Variants in TGFBR3 observed in about 807,000 individuals in gnomAD.
The protein encoded by TGFBR3 is transforming growth factor beta receptor type 3.
TGFBR3 carries 46 observed loss-of-function variants against 87.9 expected under a neutral mutation model. That is an observed-to-expected ratio of 0.52 (90% CI 0.41 to 0.67). TGFBR3 has a LOEUF of 0.67. Ranked by LOEUF, TGFBR3 falls within the 30% of genes least tolerant of loss-of-function variation. The pLI is 0.00. For synonymous variants in TGFBR3, 381 were observed against 391.6 expected (o/e 0.97, Z 0.32); for missense variants, 866 against 1,041.9 (o/e 0.83, Z 2.32).
intron 2 of TGFBR3, among the ~76,000 whole-genome samples, chr1:91,847,081 G>A (rs1182668128): frequency 1.3e-5 from 2 of 152,160 alleles, no homozygotes; most frequent in African/African-American, 4.8e-5. Flanking sequence ...TGAGGCCAGA[G>A]AAAGCAAATC....
Position 91,736,307 on chromosome 1 carries a change from A to G in TGFBR3, c.385-1348T>C, listed in dbSNP as rs1041392106. On this transcript the variant is annotated intron_variant, in intron 4 of 16. Coordinates refer to ENST00000212355, the MANE Select transcript of TGFBR3 (RefSeq NM_003243.5). ...AGGACATTCAGAAATGATCGTGACT[A>G]CACTTGACAGCACTGATACGTAGTA... Among the ~76,000 whole-genome samples the G allele has an allele frequency of 2.2e-4, 33 of 149,316 alleles. 1 individual carries two copies. Among genetic ancestry groups the G allele is most frequent in the Non-Finnish European group, 1.5e-4 (10 of 67,420 alleles).
chr1:91,730,681 C>A (rs1408773234), intron 5 of TGFBR3, among the ~76,000 whole-genome samples: 1 of 152,244 alleles, frequency 6.6e-6, no homozygotes, highest in Non-Finnish European at 1.5e-5. Flanking sequence ...AAGCAACCAC[C>A]TAATTAATCC....
chr1:91,683,531 C>A lies in TGFBR3; in HGVS notation c.*208G>T, dbSNP rs765016060. 29 of 696,342 alleles carry A rather than the reference C, an allele frequency of 4.2e-5. No individual in the cohort carries two copies. The highest frequency in any genetic ancestry group is 6.8e-5 in the Non-Finnish European group (26 of 382,872). The allele number at this position is 696,342 out of a possible 1,614,324, so 43.1% of individuals were successfully genotyped here. ...TTCTCACATGAATTCTAGTGTGGTA[C>A]AGAAGCCCAGGGTCATGTTTATACT... is the stretch of plus-strand genomic sequence containing the variant. On this transcript the variant is annotated 3_prime_UTR_variant, in exon 17 of 17. Coordinates refer to ENST00000212355, the MANE Select transcript of TGFBR3 (RefSeq NM_003243.5).
rs946320011 is a variant in TGFBR3, at chr1:91,885,881, G to A, written c.-117C>T. On this transcript the variant is annotated 5_prime_UTR_variant, in exon 1 of 17. Transcript: ENST00000212355. ...GCGGGGCTGGGCCGGCACGTACCTC[G>A]GAGGCGGTGTGTCCAGCGGAGATCC... 2.6e-5 allele frequency: 10 copies of A among 380,378 alleles called. No homozygotes were observed. The highest frequency in any genetic ancestry group is 1.5e-4 in the African/African-American group (7 of 46,558). The allele number at this position is 380,378 out of a possible 1,614,324, so 23.6% of individuals were successfully genotyped here.
chr1:91,692,325 A>T (rs1671294340), intron 16 of TGFBR3, among the ~76,000 whole-genome samples: 1 of 152,188 alleles, frequency 6.6e-6, no homozygotes, highest in African/African-American at 2.4e-5. Flanking sequence ...CAAAAGGATG[A>T]GCTAAGCGCC....
At chr1:91,800,831 TC>T (rs1207901258) in intron 2 of TGFBR3, 1 of 160,654 alleles carries the variant, frequency 6.2e-6, no homozygotes, top group African/African-American at 2.4e-5. Flanking sequence ...ATGCCGGTAA[TC>T]CCAGCACTTC....
chr1:91,688,138 T>C (rs1292183525), intron 16 of TGFBR3, among the ~76,000 whole-genome samples: 2 of 152,172 alleles, frequency 1.3e-5, no homozygotes, highest in African/African-American at 4.8e-5. Context: ...AGTTAGATGT[T>C]GTTAGAAGTC....
At chr1:91,742,961 G>T (rs1047782580) in intron 4 of TGFBR3, among the ~76,000 whole-genome samples, 11 of 152,082 alleles carry the variant, frequency 7.2e-5, no homozygotes, top group African/African-American at 2.7e-4. Flanking sequence ...TCTGGATCAG[G>T]TTCAACAACC....
chr1:91,781,229 C>T (rs1231603313), intron 3 of TGFBR3, among the ~76,000 whole-genome samples: 1 of 152,164 alleles, frequency 6.6e-6, no homozygotes, highest in Non-Finnish European at 1.5e-5. Context: ...CTTCCTCCAC[C>T]ACAGTTACTC....
In TGFBR3 at chr1:91,680,698, T is replaced by G. The variant is rs1369423557; in HGVS notation, c.*3041A>C. 2.2e-6 allele frequency: 1 copy of G among 454,008 alleles called. No individual in the cohort carries two copies. The highest frequency in any genetic ancestry group is 4.4e-6 in the Non-Finnish European group (1 of 226,772). 28.1% of individuals were successfully genotyped at this position (454,008 alleles called of 1,614,324 possible). On this transcript the variant is annotated 3_prime_UTR_variant, in exon 17 of 17. Transcript: ENST00000212355. ...ATAGGACTCACCCAACAAAATGTGC[T>G]CTGTTAACACAACCAGCAGTACAAT...
At chr1:91,849,670 ATC>A (rs1313028087) in intron 2 of TGFBR3, among the ~76,000 whole-genome samples, 2 of 152,156 alleles carry the variant, frequency 1.3e-5, no homozygotes, top group African/African-American at 2.4e-5. Flanking sequence ...AAGGATTTTT[ATC>A]TGTTTTGTTT....
chr1:91,734,722 G>T, intron 5 of TGFBR3, 54 bp downstream of exon 5: 1 of 1,601,672 alleles, frequency 6.2e-7, no homozygotes, highest in Non-Finnish European at 8.6e-7. Context: ...TTTCAGAAAA[G>T]AAAACAATTG....
intron 3 of TGFBR3, among the ~76,000 whole-genome samples, chr1:91,775,541 C>T (rs1674538344): frequency 6.6e-6 from 1 of 152,254 alleles, no homozygotes; most frequent in African/African-American, 2.4e-5. Flanking sequence ...ACAACCAACT[C>T]TTCCTGTCAC....
chr1:91,741,843 C>T (rs532390791), intron 4 of TGFBR3, among the ~76,000 whole-genome samples: 78 of 152,234 alleles, frequency 5.1e-4, no homozygotes, highest in African/African-American at 1.0e-3. Context: ...CCCTCCCAGC[C>T]GCTATTCCTG....
chr1:91,858,594 G>A (rs1479013263), intron 2 of TGFBR3, among the ~76,000 whole-genome samples: 2 of 138,198 alleles, frequency 1.4e-5, no homozygotes, highest in East Asian at 2.4e-4. Context: ...TAGCCGGGGC[G>A]AGTGAGACTC....
intron 1 of TGFBR3, among the ~76,000 whole-genome samples, chr1:91,865,678 C>T (rs1348213547): frequency 6.6e-6 from 1 of 150,476 alleles, no homozygotes; most frequent in Non-Finnish European, 1.5e-5. Context: ...TTTGGGAGGC[C>T]GAGGCGGGTG....
chr1:91,839,588 A>ATCAC (rs1342150674), intron 2 of TGFBR3, among the ~76,000 whole-genome samples: 1 of 152,206 alleles, frequency 6.6e-6, no homozygotes, highest in African/African-American at 2.4e-5. Flanking sequence ...AAAAGAGGAC[A>ATCAC]TCACCTCTAT....
chr1:91,683,337 T>C lies in TGFBR3; in HGVS notation c.*402A>G. ...GGCCGCATCTCCTCACTGGTTCTAC[T>C]ATCTGGCTATTAACCCTTTACCAAC... is the stretch of plus-strand genomic sequence containing the variant. On this transcript the variant is annotated 3_prime_UTR_variant, in exon 17 of 17. Transcript: ENST00000212355. 4.2e-6 allele frequency: 2 copies of C among 472,342 alleles called. No individual in the cohort carries two copies. The allele number at this position is 472,342 out of a possible 1,614,324, so 29.3% of individuals were successfully genotyped here.
At position 91,680,875 on chromosome 1, in the gene TGFBR3, T is replaced by G; in HGVS notation, c.*2864A>C. 1 of 448,070 alleles carries G rather than the reference T, an allele frequency of 2.2e-6. No individual in the cohort carries two copies. The highest frequency in any genetic ancestry group is 4.5e-6 in the Non-Finnish European group (1 of 224,012). The allele number at this position is 448,070 out of a possible 1,614,324, so 27.8% of individuals were successfully genotyped here. A position where few individuals can be genotyped will look rare whatever the true frequency, so the allele number is the denominator to read the frequency against. ...GCAAAGAAAAAAACCATTTTTTTTG[T>G]TTAGAAAATGCTATAGAAACAGTTT... is the stretch of plus-strand genomic sequence containing the variant. On this transcript the variant is annotated 3_prime_UTR_variant, in exon 17 of 17. Transcript: ENST00000212355.
Sources: gnomAD v4.1 joint callset for allele counts (sites outside exome capture counted in the v4.1 genomes callset) on GRCh38, gnomAD v4.1.1 for gene constraint, MANE v1.5 for transcripts, NCBI Gene and HGNC (gene_info 2026-07-23, HGNC 2026-07-21) for gene names.